Variants in TLR5 observed in about 807,000 individuals in gnomAD.
TLR5 encodes the protein toll-like receptor 5.
For synonymous variants in TLR5, 373 were observed against 384.4 expected (o/e 0.97, Z 0.35); for missense variants, 944 against 999.8 (o/e 0.94, Z 0.75).
chr1:223,113,588 A>T (rs764908598), intron 5 of TLR5, among the ~76,000 whole-genome samples: 2 of 152,128 alleles, frequency 1.3e-5, no homozygotes, highest in Non-Finnish European at 2.9e-5. Flanking sequence ...CATTTCACTT[A>T]ATCTTTTCTT....
chr1:223,120,673 C>T (rs150755822), intron 5 of TLR5, among the ~76,000 whole-genome samples: 23 of 152,294 alleles, frequency 1.5e-4, no homozygotes, highest in Non-Finnish European at 2.4e-4. Context: ...GCCAGTGCCT[C>T]TGTGGAGAAT....
intron 5 of TLR5, among the ~76,000 whole-genome samples, chr1:223,116,944 G>GT (rs569356584): frequency 2.6e-5 from 4 of 152,332 alleles, no homozygotes; most frequent in Admixed American, 2.6e-4. Context: ...CTGCCCGCCA[G>GT]TCCCACCCCA....
chr1:223,120,671 C>T (rs1323230048), intron 5 of TLR5, among the ~76,000 whole-genome samples: 1 of 152,206 alleles, frequency 6.6e-6, no homozygotes, highest in East Asian at 1.9e-4. Context: ...TGGCCAGTGC[C>T]TCTGTGGAGA....
intron 2 of TLR5, among the ~76,000 whole-genome samples, chr1:223,139,203 C>T (rs5744122): frequency 0.018 from 2,776 of 152,300 alleles, 45 homozygotes; most frequent in African/African-American, 0.044. Flanking sequence ...TCTAGTTTTC[C>T]CCTTCCAGAT....
Position 223,112,168 on chromosome 1 carries a change from ACTT to A in TLR5, c.861_863del (p.Arg287del). ...GTGAAAGATCCAGGTGTCTCACTGA[ACTT>A]CTGGCCAGGCCAGCAAATGTGTTCT... On this transcript the variant is annotated inframe_deletion, in exon 6 of 6. Transcript: ENST00000642603. 1 of 1,614,094 alleles carries A rather than the reference ACTT, an allele frequency of 6.2e-7. No individual in the cohort carries two copies. The highest frequency in any genetic ancestry group is 8.5e-7 in the Non-Finnish European group (1 of 1,179,942).
chr1:223,138,147 G>A (rs1657690036), intron 2 of TLR5, among the ~76,000 whole-genome samples: 1 of 150,322 alleles, frequency 6.7e-6, no homozygotes. Context: ...GGGGGTGGGG[G>A]TGGAGGGGTC....
At chr1:223,129,230 C>T (rs896885069) in intron 5 of TLR5, 3 of 152,284 alleles carry the variant, frequency 2.0e-5, no homozygotes, top group Non-Finnish European at 2.9e-5. Flanking sequence ...GACGGCTGGG[C>T]TCCTGTCGCA....
At position 223,111,365 on chromosome 1, in the gene TLR5, G is replaced by A; in HGVS notation, c.1667C>T (p.Ser556Phe). 1.2e-6 allele frequency: 2 copies of A among 1,614,150 alleles called. No individual in the cohort carries two copies. The highest frequency in any genetic ancestry group is 1.7e-6 in the Non-Finnish European group (2 of 1,180,020). The change falls in exon 6 of 6, where the codon TCC (serine) becomes TTC (phenylalanine). Residue 556 changes from serine (S) to phenylalanine (F), a missense_variant. Coordinates refer to ENST00000642603, the MANE Select transcript of TLR5 (RefSeq NM_003268.6). Reference protein sequence around the residue: ...LPANLEILDISRNQLLAPNPD... With the variant: ...LPANLEILDIFRNQLLAPNPD... ...ATTAGGAGCTAGGAGCTGGTTCCTG[G>A]ATATGTCCAGGATCTCTAAATTAGC...
At chr1:223,122,886 T>C (rs1415547894) in intron 5 of TLR5, among the ~76,000 whole-genome samples, 1 of 152,184 alleles carries the variant, frequency 6.6e-6, no homozygotes, top group Non-Finnish European at 1.5e-5. Context: ...TTAGTTTCTG[T>C]TAAACAATCA....
chr1:223,116,579 G>A (rs972588791), intron 5 of TLR5, among the ~76,000 whole-genome samples: 2 of 152,140 alleles, frequency 1.3e-5, no homozygotes, highest in African/African-American at 2.4e-5. Flanking sequence ...ACCTTCCACG[G>A]TGTGAAAGAC....
At chr1:223,113,835 A>C (rs1656494380) in intron 5 of TLR5, among the ~76,000 whole-genome samples, 1 of 152,122 alleles carries the variant, frequency 6.6e-6, no homozygotes, top group Admixed American at 6.6e-5. Context: ...TGCTGAGGGG[A>C]GGTGGAGAAA....
chr1:223,114,135 G>A (rs906314195), intron 5 of TLR5, among the ~76,000 whole-genome samples: 2 of 152,182 alleles, frequency 1.3e-5, no homozygotes, highest in African/African-American at 4.8e-5. Flanking sequence ...GTGAGTGTAC[G>A]ACAATAAACA....
At position 223,137,168 on chromosome 1, in the gene TLR5, A is replaced by G. The variant is rs1657647562; in HGVS notation, c.-353+10T>C. The G allele has an allele frequency of 6.6e-6, 1 of 152,252 alleles. No homozygotes were observed. Among genetic ancestry groups the G allele is most frequent in the Non-Finnish European group, 1.5e-5 (1 of 68,054 alleles). 9.4% of individuals were successfully genotyped at this position (152,252 alleles called of 1,614,324 possible). On this transcript the variant is annotated intron_variant, in intron 3 of 5. Coordinates refer to ENST00000642603, the MANE Select transcript of TLR5 (RefSeq NM_003268.6). ...TCCAACCCACAGTGAACCTGGGTCC[A>G]GAGAGATACCTGGTTTGGTGACTGT...
rs752796921 is a variant in TLR5 at position 223,141,758 on chromosome 1, G to A, written c.-549C>T. The A allele has an allele frequency of 7.0e-6, 1 of 142,660 alleles. No individual in the cohort carries two copies. The highest frequency in any genetic ancestry group is 1.5e-5 in the Non-Finnish European group (1 of 66,536). 8.8% of individuals were successfully genotyped at this position (142,660 alleles called of 1,614,324 possible). On this transcript the variant is annotated 5_prime_UTR_variant, in exon 2 of 6. Coordinates refer to ENST00000642603, the MANE Select transcript of TLR5 (RefSeq NM_003268.6). The stretch of plus-strand genomic sequence containing the variant: ...ACTGCAGTCCAGCCTGGGCGGCAGA[G>A]TGAGACTGTCTCAAAAAAAAAATTA...
At chr1:223,128,229 G>A (rs1011305469) in intron 5 of TLR5, 2 of 152,216 alleles carry the variant, frequency 1.3e-5, no homozygotes, top group Non-Finnish European at 1.5e-5. Context: ...TTTTACGGAT[G>A]AGGAAACTGA....
chr1:223,112,138 C>A lies in TLR5; in HGVS notation c.894G>T (p.Gly298=). 1 of 1,614,178 alleles carries A rather than the reference C, an allele frequency of 6.2e-7. No homozygotes were observed. The change falls in exon 6 of 6, where the codon GGG becomes GGT. Residue 298 remains glycine, a synonymous_variant. Coordinates refer to ENST00000642603, the MANE Select transcript of TLR5 (RefSeq NM_003268.6). ...CTCGTGAGTTCAGGGAGAAGACAAA[C>A]CCATGTGAAAGATCCAGGTGTCTCA... ...SSVRHLDLSH[G]FVFSLNSRVF... is the part of the protein sequence containing the mutation.
At chr1:223,141,848 G>GAGAGAGAGAGAGAGAGAA (rs1553271506) in intron 1 of TLR5, 85 bp from the exon 2 acceptor site, 19 of 135,428 alleles carry the variant, frequency 1.4e-4, no homozygotes, top group South Asian at 2.3e-4. Context: ...GAGAGAGAGA[G>GAGAGAGAGAGAGAGAGAA]AGAGAGAGAA....
At chr1:223,115,182 G>A (rs1430393850) in intron 5 of TLR5, among the ~76,000 whole-genome samples, 1 of 152,056 alleles carries the variant, frequency 6.6e-6, no homozygotes, top group Non-Finnish European at 1.5e-5. Flanking sequence ...ACATTATCTT[G>A]AATAGTTTTT....
Position 223,111,862 on chromosome 1 carries a change from A to G in TLR5, c.1170T>C (p.Asp390=), listed in dbSNP as rs1228841315. 1 of 1,613,886 alleles carries G rather than the reference A, an allele frequency of 6.2e-7. No homozygotes were observed. The highest frequency in any genetic ancestry group is 2.2e-5 in the East Asian group (1 of 44,868). Residue 390 remains aspartate (D), a synonymous_variant, in exon 6 of 6, where the codon GAT becomes GAC. Transcript: ENST00000642603. Reference sequence around the variant, plus strand: ...TGGTTGTAAGAGCATTGTCTCGGAGATCCAAGGTCTGTAATTTTTCCAGGA... The same window carrying G: ...TGGTTGTAAGAGCATTGTCTCGGAGGTCCAAGGTCTGTAATTTTTCCAGGA... ...FKFLEKLQTL[D]LRDNALTTIH... is the part of the protein sequence containing the mutation.
Sources: allele counts gnomAD v4.1 joint callset (sites outside exome capture counted in the v4.1 genomes callset), GRCh38; gene constraint gnomAD v4.1.1; transcripts MANE v1.5; gene names NCBI Gene and HGNC (gene_info 2026-07-23, HGNC 2026-07-21).